Variants in CDH19 observed in about 807,000 individuals in gnomAD.
The protein encoded by CDH19 is cadherin 19.
CDH19 carries 67 observed loss-of-function variants against 64.2 expected under a neutral mutation model. The ratio of observed to expected loss-of-function variants is 1.04; its 90% CI spans 0.86 to 1.28. CDH19 has a LOEUF of 1.28. Among genes scored for constraint, CDH19 ranks in the 50% most tolerant of loss-of-function variants. The pLI is 0.00. For synonymous variants in CDH19, 346 were observed against 319.3 expected (o/e 1.08, Z -0.89); for missense variants, 1,030 against 929.0 (o/e 1.11, Z -1.41).
chr18:66,544,694 A>C (rs1175963763), intron 6 of CDH19, 25 bp downstream of exon 6: 1 of 1,528,436 alleles, frequency 6.5e-7, no homozygotes, highest in Admixed American at 1.8e-5. Flanking sequence ...CTATTCTGCA[A>C]GGCAAATAAT....
Position 66,572,224 on chromosome 18 carries a change from C to T in CDH19, c.-20G>A, listed in dbSNP as rs1410391911. ...GTTCATTGCGTTGACTCTTTTGATT[C>T]CAACTATTACTCTTCAGAGGAAACA... On this transcript the variant is annotated 5_prime_UTR_variant, in exon 2 of 12. Transcript: ENST00000262150. The T allele has an allele frequency of 1.9e-6, 3 of 1,587,198 alleles. No individual in the cohort carries two copies. The highest frequency in any genetic ancestry group is 2.6e-6 in the Non-Finnish European group (3 of 1,159,460).
At chr18:66,529,597 T>A (rs479452) in intron 9 of CDH19, among the ~76,000 whole-genome samples, 2,591 of 148,606 alleles carry the variant, frequency 0.017, 78 homozygotes, top group African/African-American at 0.059. Context: ...AATTTTTTGA[T>A]GTTTTAAAAT....
At chr18:66,542,568 C>A (rs549813511) in intron 7 of CDH19, among the ~76,000 whole-genome samples, 5 of 152,172 alleles carry the variant, frequency 3.3e-5, no homozygotes, top group African/African-American at 1.2e-4. Context: ...TAATAGATGG[C>A]AAATATCTGT....
chr18:66,582,094 T>C (rs1328336010), intron 1 of CDH19, among the ~76,000 whole-genome samples: 1 of 152,188 alleles, frequency 6.6e-6, no homozygotes, highest in Non-Finnish European at 1.5e-5. Context: ...CTATATCTAA[T>C]GGTTCACTTT....
At chr18:66,596,951 G>A (rs34363626) in intron 1 of CDH19, among the ~76,000 whole-genome samples, 19,375 of 146,218 alleles carry the variant, frequency 0.13, 1,416 homozygotes, top group East Asian at 0.26. Context: ...GCGTAGTGGC[G>A]GGCGCCTGTA....
intron 7 of CDH19, among the ~76,000 whole-genome samples, chr18:66,543,762 A>G (rs1986987060): frequency 6.6e-6 from 1 of 152,080 alleles, no homozygotes; most frequent in Admixed American, 6.5e-5. Flanking sequence ...GCATGCCTAT[A>G]GTCCCAGCTA....
rs1032154631 is a variant in CDH19, at chr18:66,505,247, A to G, written c.1884T>C (p.Pro628=). 1.3e-6 allele frequency: 2 copies of G among 1,596,528 alleles called. No homozygotes were observed. The highest frequency in any genetic ancestry group is 1.7e-6 in the Non-Finnish European group (2 of 1,174,738). Residue 628 remains proline, a synonymous_variant, in exon 12 of 12, where the codon CCT becomes CCC. Transcript: ENST00000262150. ...TCTCTCTGAAATCTTCACTTTTCTCAGGAAATAGAATCTGTTTTCTCCGTT... is the reference window on the plus strand; with the variant it reads ...TCTCTCTGAAATCTTCACTTTTCTCGGGAAATAGAATCTGTTTTCTCCGTT... ...LKQRRKQILF[P]EKSEDFRENI... is the part of the protein sequence containing the mutation.
intron 1 of CDH19, among the ~76,000 whole-genome samples, chr18:66,597,016 A>T (rs1988911028): frequency 8.1e-6 from 1 of 124,180 alleles, no homozygotes; most frequent in Non-Finnish European, 1.6e-5. Flanking sequence ...CGGGAGGCGG[A>T]GCTTGCAGTG....
intron 2 of CDH19, among the ~76,000 whole-genome samples, chr18:66,571,499 T>C (rs1271246312): frequency 6.6e-6 from 1 of 151,714 alleles, no homozygotes. Context: ...GAATTGTTCT[T>C]AAAATATATT....
chr18:66,554,430 T>C lies in CDH19; in HGVS notation c.585A>G (p.Pro195=). The change falls in exon 4 of 12, where the codon CCA becomes CCG. Residue 195 remains proline, a synonymous_variant. Coordinates refer to ENST00000262150, the MANE Select transcript of CDH19 (RefSeq NM_021153.4). ...RLLYSLLQGQ[P]YFSVEPTTGV... ...CTGTTGTTGGTTCAACAGAAAAATA[T>C]GGCTGGCCTTGAAGTAAGCTGTAGA... is the stretch of plus-strand genomic sequence containing the variant. The C allele has an allele frequency of 6.2e-7, 1 of 1,611,832 alleles. No individual in the cohort carries two copies. The highest frequency in any genetic ancestry group is 8.5e-7 in the Non-Finnish European group (1 of 1,178,562).
chr18:66,509,967 A>T (rs894669134), intron 10 of CDH19, among the ~76,000 whole-genome samples: 4 of 151,852 alleles, frequency 2.6e-5, no homozygotes, highest in African/African-American at 9.7e-5. Context: ...ATTCAAAAAA[A>T]TTCATGAAAA....
chr18:66,571,858 T>A, intron 2 of CDH19, 152 bp downstream of exon 2: 1 of 547,078 alleles, frequency 1.8e-6, no homozygotes, highest in Non-Finnish European at 3.1e-6. Flanking sequence ...TTTTAGGTGC[T>A]TGCAAATCTG....
chr18:66,569,615 T>C (rs1351580408), intron 2 of CDH19, among the ~76,000 whole-genome samples: 1 of 151,720 alleles, frequency 6.6e-6, no homozygotes, highest in Non-Finnish European at 1.5e-5. Flanking sequence ...ATTCATACTG[T>C]TGAGGTATTA....
intron 3 of CDH19, 36 bp downstream of exon 3, chr18:66,568,380 G>T: frequency 2.0e-6 from 3 of 1,504,570 alleles, no homozygotes; most frequent in Non-Finnish European, 1.8e-6. Context: ...CTGCTTCATT[G>T]TTAATATATC....
At chr18:66,596,672 T>C (rs1275522985) in intron 1 of CDH19, among the ~76,000 whole-genome samples, 1 of 152,062 alleles carries the variant, frequency 6.6e-6, no homozygotes, top group Non-Finnish European at 1.5e-5. Context: ...GAAAAAACAT[T>C]CCATGCTCAT....
chr18:66,566,673 C>T (rs919366595), intron 3 of CDH19, among the ~76,000 whole-genome samples: 5 of 151,840 alleles, frequency 3.3e-5, no homozygotes, highest in African/African-American at 1.2e-4. Context: ...TTAATCTTAG[C>T]CTCACAGCAG....
At chr18:66,578,805 A>G (rs1472930336) in intron 1 of CDH19, among the ~76,000 whole-genome samples, 5 of 152,026 alleles carry the variant, frequency 3.3e-5, no homozygotes, top group African/African-American at 1.2e-4. Context: ...ATGCAATGTA[A>G]TGATACTCAG....
chr18:66,543,164 T>C (rs762654298), intron 7 of CDH19, among the ~76,000 whole-genome samples: 20 of 152,086 alleles, frequency 1.3e-4, no homozygotes, highest in Non-Finnish European at 2.5e-4. Flanking sequence ...TAGCTGGGAC[T>C]ACAGGTGCCC....
chr18:66,547,699 G>T, intron 5 of CDH19, among the ~76,000 whole-genome samples: 1 of 111,770 alleles, frequency 8.9e-6, no homozygotes, highest in African/African-American at 3.8e-5. Flanking sequence ...ACGGAGTCTC[G>T]CTCTGTCGCC....
Sources: gnomAD v4.1 joint callset for allele counts (sites outside exome capture counted in the v4.1 genomes callset) on GRCh38, gnomAD v4.1.1 for gene constraint, MANE v1.5 for transcripts, NCBI Gene and HGNC (gene_info 2026-07-23, HGNC 2026-07-21) for gene names.